Variants in SKAP2 observed in about 807,000 individuals in gnomAD.
SKAP2 encodes the protein src kinase-associated phosphoprotein 2.
Under a neutral mutation model 54.9 loss-of-function variants are expected in SKAP2, and 28 were observed. The observed-to-expected ratio is 0.51, with a 90% confidence interval of 0.38 to 0.70. The LOEUF (loss-of-function observed/expected upper bound fraction) is 0.70, where lower values mean the gene tolerates loss of function less well. SKAP2 is among the 30% of genes least tolerant of loss of function. The pLI is 0.00. For missense variants in SKAP2, 356 were observed against 424.1 expected, an observed-to-expected ratio of 0.84 and a Z score of 1.41; for synonymous variants, 137 against 134.3, an observed-to-expected ratio of 1.02 and a Z score of -0.14.
downstream of SKAP2, among the ~76,000 whole-genome samples, chr7:26,663,828 T>C (rs552419746): frequency 1.3e-5 from 2 of 152,268 alleles, no homozygotes; most frequent in South Asian, 4.1e-4. Flanking sequence ...TGGACTCTGC[T>C]GCTTTGATTG....
chr7:26,733,342 A>G (rs142906798), intron 6 of SKAP2, among the ~76,000 whole-genome samples: 2 of 152,036 alleles, frequency 1.3e-5, no homozygotes, highest in East Asian at 3.9e-4. Flanking sequence ...CATTTAATAT[A>G]TATCATCTTG....
chr7:26,815,330 C>T (rs919988673), intron 4 of SKAP2, among the ~76,000 whole-genome samples: 3 of 152,044 alleles, frequency 2.0e-5, no homozygotes, highest in African/African-American at 7.2e-5. Flanking sequence ...AAGAACTAGA[C>T]AGAATACAAT....
In SKAP2 at chr7:26,669,354, G is replaced by A. The variant is rs1334443471; in HGVS notation, c.*312C>T. 6.6e-6 allele frequency: 1 copy of A among 152,082 alleles called. No homozygotes were observed. The highest frequency in any genetic ancestry group is 6.6e-5 in the Admixed American group (1 of 15,262). The allele number at this position is 152,082 out of a possible 1,614,324, so 9.4% of individuals were successfully genotyped here. On this transcript the variant is annotated 3_prime_UTR_variant, in exon 13 of 13. Coordinates refer to ENST00000345317, the MANE Select transcript of SKAP2 (RefSeq NM_003930.5). ...AATAGTAGCATACTATGCTATAGTA[G>A]ACTATATGTTACGTATAAAATAGTG... is the stretch of plus-strand genomic sequence containing the variant.
chr7:26,683,388 T>A lies in SKAP2; in HGVS notation c.987+1348A>T, dbSNP rs889094175. Among the ~76,000 whole-genome samples the A allele has an allele frequency of 3.9e-5, 6 of 152,258 alleles. 1 individual carries two copies. Among genetic ancestry groups the A allele is most frequent in the East Asian group, 1.9e-4 (1 of 5,186 alleles). ...TGGGAACAACAGTAACAAAAACCCATGCTAATGAGCAGAAGACTGAGAGAA... is the reference window on the plus strand; with the variant it reads ...TGGGAACAACAGTAACAAAAACCCAAGCTAATGAGCAGAAGACTGAGAGAA... On this transcript the variant is annotated intron_variant, in intron 11 of 12. Coordinates refer to ENST00000345317, the MANE Select transcript of SKAP2 (RefSeq NM_003930.5).
At chr7:26,763,361 T>G (rs976705460) in intron 4 of SKAP2, among the ~76,000 whole-genome samples, 1 of 152,050 alleles carries the variant, frequency 6.6e-6, no homozygotes, top group Admixed American at 6.6e-5. Flanking sequence ...ATTCCAAAAA[T>G]TTACAAAGGC....
rs114327242 is a variant in SKAP2, at chr7:26,713,533, A to T, written c.796+11895T>A. Among the ~76,000 whole-genome samples the T allele has an allele frequency of 5.8e-3, 887 of 152,322 alleles. 10 individuals are homozygous for T. The highest frequency in any genetic ancestry group is 0.02 in the African/African-American group (834 of 41,578). On this transcript the variant is annotated intron_variant, in intron 9 of 12. Transcript: ENST00000345317. ...GATAGACTGGAAAATAATTTGAAAC[A>T]ATCAGTAAAAAGCAACAGGAAATGT... is the stretch of plus-strand genomic sequence containing the variant.
chr7:26,764,657 C>A (rs543809005), intron 4 of SKAP2, among the ~76,000 whole-genome samples: 4 of 151,600 alleles, frequency 2.6e-5, no homozygotes, highest in Non-Finnish European at 5.9e-5. Flanking sequence ...AGGTTTGTTA[C>A]ATAGGTATCC....
Position 26,726,740 on chromosome 7 carries a change from T to G in SKAP2, c.594+142A>C, listed in dbSNP as rs1787718040. On this transcript the variant is annotated intron_variant, in intron 7 of 12. Coordinates refer to ENST00000345317, the MANE Select transcript of SKAP2 (RefSeq NM_003930.5). ...TTAAAAATTTCCTCTTATATGAATGTTCAATGCATAATATATTTAAACATC... is the reference window on the plus strand; with the variant it reads ...TTAAAAATTTCCTCTTATATGAATGGTCAATGCATAATATATTTAAACATC... The G allele has an allele frequency of 2.2e-5, 14 of 640,510 alleles. No homozygotes were observed. In the South Asian group the frequency reaches 3.8e-4, roughly 18 times the overall value. The allele number at this position is 640,510 out of a possible 1,614,324, so 39.7% of individuals were successfully genotyped here.
At chr7:26,862,250 G>A (rs1010901145) in intron 1 of SKAP2, among the ~76,000 whole-genome samples, 5 of 151,950 alleles carry the variant, frequency 3.3e-5, no homozygotes, top group African/African-American at 7.2e-5. Context: ...TTCTTGAAGC[G>A]TTCTCTACCT....
chr7:26,727,644 A>T (rs1787736487), intron 6 of SKAP2, among the ~76,000 whole-genome samples: 1 of 152,168 alleles, frequency 6.6e-6, no homozygotes, highest in Admixed American at 6.5e-5. Flanking sequence ...TTTCTTATCC[A>T]GTCAGTGAAC....
chr7:26,835,267 T>C (rs186207362), intron 4 of SKAP2, among the ~76,000 whole-genome samples: 1 of 152,282 alleles, frequency 6.6e-6, no homozygotes. Context: ...GCTGGAAGCA[T>C]TCCCTTTGAA....
chr7:26,760,690 G>A (rs966970945), intron 4 of SKAP2, among the ~76,000 whole-genome samples: 1 of 152,052 alleles, frequency 6.6e-6, no homozygotes, highest in Non-Finnish European at 1.5e-5. Context: ...GGTTGACTGT[G>A]GGCAACTGAA....
chr7:26,715,136 T>C lies in SKAP2; in HGVS notation c.796+10292A>G, dbSNP rs868100173. Among the ~76,000 whole-genome samples, 14 of 152,316 alleles carry C rather than the reference T, an allele frequency of 9.2e-5. No homozygotes were observed. The Middle Eastern group carries it at 0.01, about 111-fold the overall frequency. On this transcript the variant is annotated intron_variant, in intron 9 of 12. Coordinates refer to ENST00000345317, the MANE Select transcript of SKAP2 (RefSeq NM_003930.5). ...TAGCCCCATTAACATAATTTTTCTT[T>C]TTTCTTTACAAATATTAGCATTTTA...
rs552229407 is a variant in SKAP2 at position 26,776,005 on chromosome 7, C to T, written c.308-36041G>A. On this transcript the variant is annotated intron_variant, in intron 4 of 12. Coordinates refer to ENST00000345317, the MANE Select transcript of SKAP2 (RefSeq NM_003930.5). ...AATCCACTACAATTTGACTTCTGCA[C>T]ATACTGCTCCATGGATATCTCATAT... Among the ~76,000 whole-genome samples, 21 of 152,250 alleles carry T rather than the reference C, an allele frequency of 1.4e-4. No homozygotes were observed. The Middle Eastern group carries it at 0.01, about 74-fold the overall frequency.
At chr7:26,857,287 G>T (rs943742779) in intron 1 of SKAP2, among the ~76,000 whole-genome samples, 1 of 117,920 alleles carries the variant, frequency 8.5e-6, no homozygotes, top group African/African-American at 3.3e-5. Flanking sequence ...AGGTGATGTG[G>T]AGAGAGTAGA....
At chr7:26,764,965 G>A (rs10247509) in intron 4 of SKAP2, among the ~76,000 whole-genome samples, 65,266 of 152,042 alleles carry the variant, frequency 0.43, 14,473 homozygotes, top group Middle Eastern at 0.49. Context: ...CTTTATAGTA[G>A]AATGATTATA....
chr7:26,777,980 A>C (rs1242233848), intron 4 of SKAP2, among the ~76,000 whole-genome samples: 1 of 152,012 alleles, frequency 6.6e-6, no homozygotes, highest in East Asian at 1.9e-4. Flanking sequence ...ATAAGCTATA[A>C]ATTTTGAAAT....
intron 4 of SKAP2, among the ~76,000 whole-genome samples, chr7:26,803,290 C>G (rs1783953511): frequency 6.6e-6 from 1 of 152,136 alleles, no homozygotes; most frequent in East Asian, 1.9e-4. Context: ...GCCTAACAAT[C>G]CAATCAAAAA....
intron 9 of SKAP2, among the ~76,000 whole-genome samples, chr7:26,712,234 T>A (rs537162885): frequency 6.6e-6 from 1 of 152,196 alleles, no homozygotes; most frequent in Non-Finnish European, 1.5e-5. Context: ...AATACTCCAA[T>A]GAGCATTTCC....
Sources: gnomAD v4.1 joint callset for allele counts (sites outside exome capture counted in the v4.1 genomes callset) on GRCh38, gnomAD v4.1.1 for gene constraint, MANE v1.5 for transcripts, NCBI Gene and HGNC (gene_info 2026-07-23, HGNC 2026-07-21) for gene names.